SPTBN2: variants seen among roughly 807,000 people sequenced by gnomAD.
SPTBN2 encodes the protein spectrin beta, non-erythrocytic 2, also known as spectrin beta chain, non-erythrocytic 2.
In SPTBN2, 107 loss-of-function variants were observed where a neutral mutation model predicts 284.2. That is an observed-to-expected ratio of 0.38 (90% confidence interval 0.32 to 0.44). The LOEUF (loss-of-function observed/expected upper bound fraction) is 0.44. Among genes scored for constraint, SPTBN2 ranks in the 20% least tolerant of loss-of-function variants. SPTBN2 has a pLI of 1.00. For missense variants in SPTBN2, 2,569 were observed against 3,287.1 expected (o/e 0.78, Z 5.34); for synonymous variants, 1,289 against 1,354.8 (o/e 0.95, Z 1.07).
At position 66,701,120 on chromosome 11, in the gene SPTBN2, C is replaced by A. The variant is rs1941220264; in HGVS notation, c.2979G>T (p.Gly993=). Residue 993 remains glycine (G), a synonymous_variant, in exon 17 of 38, where the codon GGG becomes GGT. Coordinates refer to ENST00000533211, the MANE Select transcript of SPTBN2 (RefSeq NM_006946.4). ...STQGLGNDLA[G]VLALQRKLAG... ...CCAGCTTGCGCTGCAGGGCCAGCAC[C>A]CCAGCCAGATCGTTGCCTAGGCCCT... 2 of 1,613,086 alleles carry A rather than the reference C, an allele frequency of 1.2e-6. No individual in the cohort carries two copies. The highest frequency in any genetic ancestry group is 1.6e-4 in the Middle Eastern group (1 of 6,062).
At position 66,718,673 on chromosome 11, in the gene SPTBN2, G is replaced by A. The variant is rs968873217; in HGVS notation, c.157+2411C>T. 2.0e-5 allele frequency among the ~76,000 whole-genome samples: 3 copies of A among 152,244 alleles called. No individual in the cohort carries two copies. Among genetic ancestry groups the A allele is most frequent in the Non-Finnish European group, 2.9e-5 (2 of 68,046 alleles). On this transcript the variant is annotated intron_variant, in intron 3 of 37. Transcript: ENST00000533211. This position sits in a 1 kb window ranked among gnomAD's most constrained non-coding sequence, Gnocchi z 4.8. ...GGGCCCAGAGTCCATGCTCCCCGCT[G>A]GCAGGGGGCCAGTTTCTGTTCCCCA...
intron 5 of SPTBN2, 47 bp from the exon 6 acceptor site, chr11:66,714,454 T>C: frequency 6.7e-7 from 1 of 1,494,260 alleles, no homozygotes; most frequent in Non-Finnish European, 9.3e-7. Context: ...CAGGAACTCC[T>C]GGTGTTATCA....
intron 1 of SPTBN2, among the ~76,000 whole-genome samples, chr11:66,734,645 A>G (rs1490527404): frequency 6.6e-6 from 1 of 152,042 alleles, no homozygotes; most frequent in African/African-American, 2.4e-5. Context: ...TTCTGAGAGC[A>G]CTCCATACTG....
chr11:66,708,997 C>T lies in SPTBN2; in HGVS notation c.1096G>A (p.Glu366Lys). Reference protein sequence around the residue: ...PPKFTEKGNLEVLLFTIQSKL... With the variant: ...PPKFTEKGNLKVLLFTIQSKL... ...CTCTGGATGGTGAAGAGCAGCACTT[C>T]CAAGTTCCCTTTCTCGGTAAACCTG... The change falls in exon 11 of 38, where the codon GAA (glutamate) becomes AAA (lysine). Residue 366 changes from glutamate to lysine, a missense_variant. By Grantham distance (56) the Glu-to-Lys change is moderately conservative. Coordinates refer to ENST00000533211, the MANE Select transcript of SPTBN2 (RefSeq NM_006946.4). The surrounding 1 kb of genome is among the most constrained non-coding windows in gnomAD (Gnocchi z 4.4). 6.2e-7 allele frequency: 1 copy of T among 1,613,970 alleles called. No individual in the cohort carries two copies. The highest frequency in any genetic ancestry group is 8.5e-7 in the Non-Finnish European group (1 of 1,179,964).
chr11:66,689,524 G>A (rs996002785), intron 29 of SPTBN2, among the ~76,000 whole-genome samples: 8 of 152,064 alleles, frequency 5.3e-5, no homozygotes, highest in African/African-American at 1.2e-4. Flanking sequence ...GGCTGGTCTC[G>A]AACTCGTGAC....
rs551052303 is a variant in SPTBN2 at position 66,704,782 on chromosome 11, G to A, written c.2494C>T (p.Arg832Trp). The change falls in exon 15 of 38, where the codon CGG becomes TGG. Residue 832 changes from arginine to tryptophan, a missense_variant. This residue lies in a region of SPTBN2 where 1,012 missense variants were observed against 1,248.9 expected (regional missense o/e 0.81). Transcript: ENST00000533211. ...EVQSRVPTLE[R>W]HYEELQARAG... ...CGGGCCTGCAGCTCCTCGTAGTGCC[G>A]CTCCAGGGTGGGCACCCGGCTCTGC... The A allele has an allele frequency of 1.2e-5, 19 of 1,603,834 alleles. No homozygotes were observed. The highest frequency in any genetic ancestry group is 2.7e-5 in the African/African-American group (2 of 74,924).
At chr11:66,742,869 C>A (rs542611279) in intron 1 of SPTBN2, among the ~76,000 whole-genome samples, 1 of 152,306 alleles carries the variant, frequency 6.6e-6, no homozygotes, top group Admixed American at 6.5e-5. Flanking sequence ...CTGGGCCTCC[C>A]AAAGTGTTGG....
intron 1 of SPTBN2, among the ~76,000 whole-genome samples, chr11:66,743,293 G>A (rs529678290): frequency 1.1e-4 from 17 of 152,186 alleles, no homozygotes; most frequent in Non-Finnish European, 2.4e-4. Context: ...GAATGGGGAG[G>A]AGCGCTGAGC....
chr11:66,711,230 A>C (rs1340156492), intron 8 of SPTBN2, among the ~76,000 whole-genome samples: 1 of 152,194 alleles, frequency 6.6e-6, no homozygotes, highest in Non-Finnish European at 1.5e-5. Context: ...GGAAACAAGA[A>C]GGGCCCTCCA....
In SPTBN2 at chr11:66,693,241, G is replaced by A. The variant is rs1192146398; in HGVS notation, c.4799C>T (p.Ala1600Val). ...AQQFYRDAAE[A>V]EAWMGEQELH... ...TTCCTGCTCGCCCATCCAGGCCTCC[G>A]CCTCGGCGGCATCGCGGTAGAACTG... Residue 1600 changes from alanine (A) to valine (V), a missense_variant, in exon 24 of 38, where the codon GCG becomes GTG. By Grantham distance (64) the Ala-to-Val change is moderately conservative. This residue lies in a region of SPTBN2 where 1,130 missense variants were observed against 1,317.3 expected (regional missense o/e 0.86). Coordinates refer to ENST00000533211, the MANE Select transcript of SPTBN2 (RefSeq NM_006946.4). This position sits in a 1 kb window ranked among gnomAD's most constrained non-coding sequence, Gnocchi z 5.7. 6 of 1,614,168 alleles carry A rather than the reference G, an allele frequency of 3.7e-6. No individual in the cohort carries two copies. Among genetic ancestry groups the A allele is most frequent in the Non-Finnish European group, 5.1e-6 (6 of 1,180,038 alleles).
rs1939905206 is a variant in SPTBN2, at chr11:66,683,270, T to C, written c.*2601A>G. 6.6e-6 allele frequency among the ~76,000 whole-genome samples: 1 copy of C among 151,504 alleles called. No homozygotes were observed. The highest frequency in any genetic ancestry group is 1.5e-5 in the Non-Finnish European group (1 of 67,880). ...TTTAGTAGAGACGGGGTTTCACCGT[T>C]TTAGCCGGGATGGTCTCGATCTCCT... On this transcript the variant is annotated 3_prime_UTR_variant, in exon 38 of 38. Coordinates refer to ENST00000533211, the MANE Select transcript of SPTBN2 (RefSeq NM_006946.4).
At chr11:66,744,634 T>C (rs1021521539) in exon 1 of SPTBN2, 2 of 308,830 alleles carry the variant, frequency 6.5e-6, no homozygotes, top group Non-Finnish European at 1.0e-5. Context: ...AGGCTCTAGG[T>C]GGCTCCCGGC....
Position 66,709,607 on chromosome 11 carries a change from G to A in SPTBN2, c.1074-588C>T, listed in dbSNP as rs150522367. ...CTTATTTTTCTTTTCTAGTGGTTGT[G>A]TTGATAAACATCCTTGAAGCTACAT... On this transcript the variant is annotated intron_variant, in intron 10 of 37. Coordinates refer to ENST00000533211, the MANE Select transcript of SPTBN2 (RefSeq NM_006946.4). Among the ~76,000 whole-genome samples the A allele has an allele frequency of 5.5e-3, 840 of 152,178 alleles. 1 individual carries two copies. Among genetic ancestry groups the A allele is most frequent in the Middle Eastern group, 0.01 (3 of 294 alleles).
rs1484205566 is a variant in SPTBN2 at position 66,691,227 on chromosome 11, G to A, written c.5565+57C>T. The stretch of plus-strand genomic sequence containing the variant: ...CCCTAGCTCCTGGGAACTCTCCCCG[G>A]CATTTCCCCCATGGCCTCCTCTAAG... On this transcript the variant is annotated intron_variant, in intron 27 of 37. Transcript: ENST00000533211. This position sits in a 1 kb window ranked among gnomAD's most constrained non-coding sequence, Gnocchi z 8.0. 1.9e-5 allele frequency: 29 copies of A among 1,498,304 alleles called. No homozygotes were observed. The highest frequency in any genetic ancestry group is 2.2e-5 in the Non-Finnish European group (25 of 1,122,890). The allele number at this position is 1,498,304 out of a possible 1,614,324, so 92.8% of individuals were successfully genotyped here. A position where few individuals can be genotyped will look rare whatever the true frequency, so the allele number is the denominator to read the frequency against.
chr11:66,699,307 C>T (rs1233685225), intron 18 of SPTBN2, 99 bp downstream of exon 18: 35 of 1,465,162 alleles, frequency 2.4e-5, no homozygotes, highest in Middle Eastern at 2.3e-4. Flanking sequence ...CAGCTCCTGC[C>T]CCATCTGTGG....
At position 66,705,339 on chromosome 11, in the gene SPTBN2, A is replaced by C; in HGVS notation, c.1937T>G (p.Phe646Cys). Reference protein sequence around the residue: ...RLEESRRLWRFLWEVGEAEAW... With the variant: ...RLEESRRLWRCLWEVGEAEAW... ...CTCAGCTTCACCCACCTCCCAGAGGAAACGCCAGAGCCGCCGTGATTCCTC... is the reference window on the plus strand; with the variant it reads ...CTCAGCTTCACCCACCTCCCAGAGGCAACGCCAGAGCCGCCGTGATTCCTC... The change falls in exon 15 of 38, where the codon TTC (phenylalanine) becomes TGC (cysteine). Residue 646 changes from phenylalanine to cysteine, a missense_variant. Transcript: ENST00000533211. 6.2e-7 allele frequency: 1 copy of C among 1,610,880 alleles called. No homozygotes were observed. The highest frequency in any genetic ancestry group is 8.5e-7 in the Non-Finnish European group (1 of 1,179,734).
chr11:66,744,063 G>C (rs1197646364), intron 1 of SPTBN2, among the ~76,000 whole-genome samples: 2 of 152,076 alleles, frequency 1.3e-5, no homozygotes, highest in African/African-American at 2.4e-5. Context: ...GTTTCACCAT[G>C]TTGGCCAGGC....
Position 66,693,688 on chromosome 11 carries a change from G to T in SPTBN2, c.4593+84C>A. 3 of 1,399,972 alleles carry T rather than the reference G, an allele frequency of 2.1e-6. No individual in the cohort carries two copies. Among genetic ancestry groups the T allele is most frequent in the Non-Finnish European group, 3.0e-6 (3 of 1,010,476 alleles). 86.7% of individuals were successfully genotyped at this position (1,399,972 alleles called of 1,614,324 possible). On this transcript the variant is annotated intron_variant, in intron 23 of 37. Coordinates refer to ENST00000533211, the MANE Select transcript of SPTBN2 (RefSeq NM_006946.4). This position sits in a 1 kb window ranked among gnomAD's most constrained non-coding sequence, Gnocchi z 5.7. ...AGTCCAGGGTTACACTCAGCATCGA[G>T]GGGGGCCTGGTCTTAAGAAAAAACA...
rs375642527 is a variant in SPTBN2, at chr11:66,689,947, G to T, written c.5811-4C>A. On this transcript the variant is annotated splice_polypyrimidine_tract_variant and splice_region_variant and intron_variant, in intron 28 of 37. Coordinates refer to ENST00000533211, the MANE Select transcript of SPTBN2 (RefSeq NM_006946.4). ...TAGATCCGCGGAGGACACATCCCTGGGGGGAGGCAGAAACAGCATCACCTG... is the reference window on the plus strand; with the variant it reads ...TAGATCCGCGGAGGACACATCCCTGTGGGGAGGCAGAAACAGCATCACCTG... 2 of 1,613,780 alleles carry T rather than the reference G, an allele frequency of 1.2e-6. No individual in the cohort carries two copies. Among genetic ancestry groups the T allele is most frequent in the Admixed American group, 1.7e-5 (1 of 60,010 alleles).
Sources: allele counts gnomAD v4.1 joint callset (sites outside exome capture counted in the v4.1 genomes callset), GRCh38; gene constraint gnomAD v4.1.1; regional missense constraint gnomAD v4.1.1; non-coding constraint Gnocchi (gnomAD v3.1); transcripts MANE v1.5; gene names NCBI Gene and HGNC (gene_info 2026-07-23, HGNC 2026-07-21).